Variants in NOD1 observed in about 807,000 individuals in gnomAD.
NOD1 encodes the protein nucleotide-binding oligomerization domain-containing protein 1.
NOD1 carries 70 observed loss-of-function variants against 81.2 expected under a neutral mutation model. The ratio of observed to expected loss-of-function variants is 0.86; its 90% CI spans 0.71 to 1.05. NOD1 has a LOEUF of 1.05. Ranked by LOEUF, NOD1 falls within the 50% of genes least tolerant of loss-of-function variation. The probability of loss-of-function intolerance (pLI) is 0.00; values close to 1 mark genes in which losing one functional copy is unlikely to be tolerated. For synonymous variants in NOD1, 508 were observed against 526.9 expected (o/e 0.96, Z 0.49); for missense variants, 1,233 against 1,228.0 (o/e 1.00, Z -0.06).
chr7:30,460,361 G>T (rs1009152797), intron 1 of NOD1: 27 of 985,256 alleles, frequency 2.7e-5, no homozygotes, highest in Admixed American at 6.2e-5. Context: ...CTTGGTAAAG[G>T]GTGGGTCCAG....
intron 2 of NOD1, among the ~76,000 whole-genome samples, 164 bp from the exon 3 acceptor site, chr7:30,459,404 A>G (rs1400922810): frequency 6.6e-6 from 1 of 152,152 alleles, no homozygotes; most frequent in Non-Finnish European, 1.5e-5. Flanking sequence ...CAACGTCCCC[A>G]CCATAGTCAC....
At chr7:30,436,189 C>A in intron 10 of NOD1, 108 bp from the exon 11 acceptor site, 1 of 846,656 alleles carries the variant, frequency 1.2e-6, no homozygotes, top group East Asian at 2.6e-5. Flanking sequence ...GGCCCCAGCC[C>A]AGGCTCACTC....
intron 11 of NOD1, 55 bp downstream of exon 11, chr7:30,435,943 G>T: frequency 2.1e-6 from 3 of 1,448,152 alleles, no homozygotes; most frequent in Non-Finnish European, 2.9e-6. Flanking sequence ...GGACGACAAA[G>T]CAAGACCCTA....
rs1434440525 is a variant in NOD1, at chr7:30,477,942, A to T, written c.-352+664T>A. Among the ~76,000 whole-genome samples the T allele has an allele frequency of 2.6e-5, 4 of 152,226 alleles. No individual in the cohort carries two copies. The East Asian group carries it at 7.7e-4, about 29-fold the overall frequency. ...AAATGTTTCCTAGAATGCAGAGCTA[A>T]TGAGACATCAACCTCTGTCATTTCC... On this transcript the variant is annotated intron_variant, in intron 1 of 13. Coordinates refer to ENST00000222823, the MANE Select transcript of NOD1 (RefSeq NM_006092.4).
chr7:30,469,016 A>G (rs1454970160), intron 1 of NOD1: 8 of 985,326 alleles, frequency 8.1e-6, no homozygotes, highest in Non-Finnish European at 9.6e-6. Flanking sequence ...CACACCTTAC[A>G]CAGCTTCGAC....
chr7:30,470,230 T>A (rs1378714648), intron 1 of NOD1, among the ~76,000 whole-genome samples: 2 of 152,242 alleles, frequency 1.3e-5, no homozygotes, highest in Non-Finnish European at 2.9e-5. Flanking sequence ...GGGATCTCTG[T>A]GAGCATGCAG....
rs573680187 is a variant in NOD1, at chr7:30,437,651, C to T, written c.2459G>A (p.Trp820Ter). ...TCCTTCATCCCCAACTTGATTGCCCCACATCCTGAGGGAGGAGACAAGATA... is the reference window on the plus strand; with the variant it reads ...TCCTTCATCCCCAACTTGATTGCCCTACATCCTGAGGGAGGAGACAAGATA... ...NSKSISEVGM[W>*]GNQVGDEGAK... is the part of the protein sequence containing the mutation. The change falls in exon 10 of 14, where the codon TGG (tryptophan) becomes TAG (stop). Residue 820 changes from tryptophan (W) to a stop codon, truncating the protein, a stop_gained. Coordinates refer to ENST00000222823, the MANE Select transcript of NOD1 (RefSeq NM_006092.4). LOFTEE classifies it high-confidence loss of function. 17 of 1,515,384 alleles carry T rather than the reference C, an allele frequency of 1.1e-5. No homozygotes were observed. The African/African-American group carries it at 1.8e-4, about 16-fold the overall frequency. The allele number at this position is 1,515,384 out of a possible 1,614,324, so 93.9% of individuals were successfully genotyped here. A position where few individuals can be genotyped will look rare whatever the true frequency, so the allele number is the denominator to read the frequency against.
intron 8 of NOD1, chr7:30,446,619 G>T: frequency 2.5e-6 from 1 of 393,700 alleles, no homozygotes; most frequent in Non-Finnish European, 4.6e-6. Context: ...GTCACCCCCT[G>T]CGCAGGGCAC....
chr7:30,448,485 C>T (rs1227740537), intron 6 of NOD1, 104 bp from the exon 7 acceptor site: 1 of 946,108 alleles, frequency 1.1e-6, no homozygotes, highest in African/African-American at 1.6e-5. Context: ...GGAGTTTTCT[C>T]AGGTATAGAC....
chr7:30,467,007 A>G lies in NOD1; in HGVS notation c.-351-6966T>C, dbSNP rs1462769859. Among the ~76,000 whole-genome samples, 1 of 152,196 alleles carries G rather than the reference A, an allele frequency of 6.6e-6. No homozygotes were observed. Among genetic ancestry groups the G allele is most frequent in the Non-Finnish European group, 1.5e-5 (1 of 68,034 alleles). ...CAGAACCACATCCATCATTTCTGTTAGAATTACTGGGTTGGTATCCCTAAA... is the reference window on the plus strand; with the variant it reads ...CAGAACCACATCCATCATTTCTGTTGGAATTACTGGGTTGGTATCCCTAAA... On this transcript the variant is annotated intron_variant, in intron 1 of 13. Coordinates refer to ENST00000222823, the MANE Select transcript of NOD1 (RefSeq NM_006092.4). This position sits in a 1 kb window ranked among gnomAD's most constrained non-coding sequence, Gnocchi z 4.5.
In NOD1 at chr7:30,452,517, G is replaced by A. The variant is rs762661713; in HGVS notation, c.900C>T (p.Asp300=). ...GGGCAGGCTCCCAGGGGCAGGAGCTGTCAGGCACGCGGCTCAGGTCCAAGT... is the reference window on the plus strand; with the variant it reads ...GGGCAGGCTCCCAGGGGCAGGAGCTATCAGGCACGCGGCTCAGGTCCAAGT... ...HSDLDLSRVP[D]SSCPWEPAHP... The change falls in exon 6 of 14, where the codon GAC becomes GAT. Residue 300 remains aspartate (D), a synonymous_variant. Transcript: ENST00000222823. 11 of 1,613,086 alleles carry A rather than the reference G, an allele frequency of 6.8e-6. No individual in the cohort carries two copies. The highest frequency in any genetic ancestry group is 2.2e-5 in the East Asian group (1 of 44,886).
chr7:30,449,631 A>G (rs1327658988), intron 6 of NOD1, among the ~76,000 whole-genome samples: 1 of 152,196 alleles, frequency 6.6e-6, no homozygotes, highest in African/African-American at 2.4e-5. Context: ...AGGGTCATGG[A>G]GACTCCATAC....
chr7:30,448,279 G>A lies in NOD1; in HGVS notation c.2285+19C>T, dbSNP rs749021114. The A allele has an allele frequency of 1.3e-6, 2 of 1,592,078 alleles. No individual in the cohort carries two copies. The highest frequency in any genetic ancestry group is 2.2e-5 in the South Asian group (2 of 90,658). On this transcript the variant is annotated intron_variant, in intron 7 of 13. Transcript: ENST00000222823. ...ATTATTACTAGGTAGTTGGCCCAGTGTTCTGGAGAAAGACATACCCCAAAT... is the reference window on the plus strand; with the variant it reads ...ATTATTACTAGGTAGTTGGCCCAGTATTCTGGAGAAAGACATACCCCAAAT...
At chr7:30,468,888 GAT>G (rs1352562727) in intron 1 of NOD1, 1 of 985,292 alleles carries the variant, frequency 1.0e-6, no homozygotes, top group Non-Finnish European at 1.2e-6. Flanking sequence ...GAACTGCTTG[GAT>G]GTTCAGGGTT....
At chr7:30,429,720 A>G (rs977134004) in intron 12 of NOD1, among the ~76,000 whole-genome samples, 1 of 152,208 alleles carries the variant, frequency 6.6e-6, no homozygotes, top group African/African-American at 2.4e-5. Context: ...TGCATTTTTC[A>G]CTGCAGAGGT....
intron 3 of NOD1, 24 bp from the exon 4 acceptor site, chr7:30,457,066 A>G (rs1346002481): frequency 1.5e-6 from 1 of 659,966 alleles, no homozygotes; most frequent in Non-Finnish European, 2.7e-6. Flanking sequence ...TGACATCATC[A>G]GCAAAGCAAA....
intron 11 of NOD1, among the ~76,000 whole-genome samples, chr7:30,434,155 G>A (rs756437957): frequency 1.3e-5 from 2 of 152,146 alleles, no homozygotes; most frequent in African/African-American, 2.4e-5. Context: ...GGGTGACCTC[G>A]GGCAACAGGC....
chr7:30,437,710 C>T (rs577531695), intron 9 of NOD1, 54 bp from the exon 10 acceptor site: 13 of 1,329,722 alleles, frequency 9.8e-6, no homozygotes, highest in Non-Finnish European at 1.3e-5. Context: ...CAGCCATGCT[C>T]ACCCCTCCTT....
chr7:30,446,708 A>G (rs937828911), intron 8 of NOD1: 1 of 465,552 alleles, frequency 2.1e-6, no homozygotes. Flanking sequence ...ACCACCAGAA[A>G]GGGTGAGAGT....
Sources: allele counts gnomAD v4.1 joint callset (sites outside exome capture counted in the v4.1 genomes callset), GRCh38; gene constraint gnomAD v4.1.1; non-coding constraint Gnocchi (gnomAD v3.1); transcripts MANE v1.5; gene names NCBI Gene and HGNC (gene_info 2026-07-23, HGNC 2026-07-21).